Variants in ANKS1B observed in about 807,000 individuals in gnomAD.
ANKS1B encodes the protein ankyrin repeat and sterile alpha motif domain-containing protein 1B.
In ANKS1B, 36 loss-of-function variants were observed where a neutral mutation model predicts 148.3. The observed-to-expected ratio is 0.24, with a 90% CI of 0.19 to 0.32. The LOEUF is 0.32. Ranked by LOEUF, ANKS1B falls within the 10% of genes least tolerant of loss-of-function variation. The pLI is 1.00. For missense variants in ANKS1B, 1,157 were observed against 1,542.6 expected (o/e 0.75, Z 4.19); for synonymous variants, 542 against 560.8 (o/e 0.97, Z 0.47).
chr12:99,067,483 G>A (rs932547832), intron 16 of ANKS1B, among the ~76,000 whole-genome samples: 1 of 152,186 alleles, frequency 6.6e-6, no homozygotes, highest in Admixed American at 6.5e-5. Context: ...AGCACTTTTG[G>A]TAGGTCCTGG....
chr12:99,861,317 G>A (rs2089988495), intron 1 of ANKS1B, among the ~76,000 whole-genome samples: 1 of 152,128 alleles, frequency 6.6e-6, no homozygotes, highest in Admixed American at 6.5e-5. Flanking sequence ...CATGAAATAA[G>A]AGAAGAAAAT....
chr12:99,725,987 G>C (rs186523298), intron 8 of ANKS1B, among the ~76,000 whole-genome samples: 16 of 152,250 alleles, frequency 1.1e-4, no homozygotes, highest in African/African-American at 3.6e-4. Context: ...CTGGGACACA[G>C]CTAAAGCAGT....
rs566164525 is a variant in ANKS1B, at chr12:99,873,184, CTATT to C, written c.135-47799_135-47796del. Among the ~76,000 whole-genome samples, 14 of 152,156 alleles carry C rather than the reference CTATT, an allele frequency of 9.2e-5. No individual in the cohort carries two copies. In the East Asian group the frequency reaches 2.5e-3, roughly 27 times the overall value. Reference sequence around the variant, plus strand: ...TTATTATTATCACCATCATTTTTGCCTATTTATTTATTTTTTAAAGTAAAACACT... The same window carrying C: ...TTATTATTATCACCATCATTTTTGCCTATTTATTTTTTAAAGTAAAACACT... On this transcript the variant is annotated intron_variant, in intron 1 of 26. Coordinates refer to ENST00000683438, the MANE Select transcript of ANKS1B (RefSeq NM_001352186.2).
chr12:99,278,856 G>C (rs2078028728), intron 12 of ANKS1B, among the ~76,000 whole-genome samples: 1 of 152,142 alleles, frequency 6.6e-6, no homozygotes, highest in African/African-American at 2.4e-5. Flanking sequence ...CAATGTAATT[G>C]CATTAAATAT....
intron 12 of ANKS1B, among the ~76,000 whole-genome samples, chr12:99,252,938 T>C (rs1241594862): frequency 6.6e-6 from 1 of 152,088 alleles, no homozygotes; most frequent in Non-Finnish European, 1.5e-5. Context: ...AATGGGGCAG[T>C]AGGGGCCAGG....
chr12:99,550,431 T>C (rs2097207372), intron 9 of ANKS1B, among the ~76,000 whole-genome samples: 1 of 151,960 alleles, frequency 6.6e-6, no homozygotes, highest in African/African-American at 2.4e-5. Context: ...CAAGACCAGC[T>C]TGGCCAACAT....
At chr12:99,502,125 T>C (rs979928194) in intron 10 of ANKS1B, among the ~76,000 whole-genome samples, 2 of 152,130 alleles carry the variant, frequency 1.3e-5, no homozygotes, top group Non-Finnish European at 2.9e-5. Flanking sequence ...GTGTCTTCAA[T>C]TTTGCATTCC....
At chr12:99,284,817 C>T (rs533569194) in intron 12 of ANKS1B, among the ~76,000 whole-genome samples, 1 of 152,248 alleles carries the variant, frequency 6.6e-6, no homozygotes, top group African/African-American at 2.4e-5. Flanking sequence ...GATCCGGCCC[C>T]TCCCTGCCCC....
At chr12:99,319,388 C>T (rs1249631438) in intron 12 of ANKS1B, among the ~76,000 whole-genome samples, 1 of 152,144 alleles carries the variant, frequency 6.6e-6, no homozygotes, top group East Asian at 1.9e-4. Flanking sequence ...GGATAGTTAG[C>T]TCTTCTTGTT....
chr12:99,192,647 C>T (rs1246984338), intron 14 of ANKS1B, among the ~76,000 whole-genome samples: 1 of 152,032 alleles, frequency 6.6e-6, no homozygotes, highest in Non-Finnish European at 1.5e-5. Context: ...GTCATAATAT[C>T]ACATTTTAAA....
chr12:98,886,397 T>C (rs111653245), intron 17 of ANKS1B, among the ~76,000 whole-genome samples: 11 of 152,188 alleles, frequency 7.2e-5, no homozygotes, highest in South Asian at 4.2e-4. Flanking sequence ...CTTCTGATAG[T>C]TGAATTACTG....
intron 16 of ANKS1B, among the ~76,000 whole-genome samples, chr12:99,055,349 G>A (rs1253506937): frequency 2.0e-5 from 3 of 152,192 alleles, no homozygotes; most frequent in South Asian, 2.1e-4. Context: ...AGGTCTTGCC[G>A]TTGGCCCATC....
chr12:98,856,562 G>A (rs528713684), intron 17 of ANKS1B, among the ~76,000 whole-genome samples: 14 of 152,338 alleles, frequency 9.2e-5, no homozygotes, highest in African/African-American at 3.1e-4. Flanking sequence ...GTGTGCATGA[G>A]TTGGGTGCAG....
At chr12:99,784,621 A>G (rs1019794400) in intron 4 of ANKS1B, among the ~76,000 whole-genome samples, 1 of 152,308 alleles carries the variant, frequency 6.6e-6, no homozygotes, top group Non-Finnish European at 1.5e-5. Flanking sequence ...CATGAATAAG[A>G]ACCATGTGGA....
At chr12:99,603,271 G>C (rs1383123599) in intron 9 of ANKS1B, among the ~76,000 whole-genome samples, 1 of 152,080 alleles carries the variant, frequency 6.6e-6, no homozygotes, top group Non-Finnish European at 1.5e-5. Context: ...GCTTCTTGAG[G>C]CTAGGAATCC....
chr12:98,969,555 C>T (rs60317458), intron 17 of ANKS1B, among the ~76,000 whole-genome samples: 27,502 of 151,938 alleles, frequency 0.18, 2,670 homozygotes, highest in African/African-American at 0.23. Flanking sequence ...CAAATCTCAA[C>T]TGATTTTGTG....
chr12:98,958,288 T>C (rs529587944), intron 17 of ANKS1B, among the ~76,000 whole-genome samples: 4 of 152,340 alleles, frequency 2.6e-5, no homozygotes, highest in Non-Finnish European at 5.9e-5. Flanking sequence ...AAACCAACTA[T>C]TATAGTCAAA....
At chr12:98,924,336 C>T (rs954761499) in intron 17 of ANKS1B, among the ~76,000 whole-genome samples, 1 of 152,194 alleles carries the variant, frequency 6.6e-6, no homozygotes, top group Non-Finnish European at 1.5e-5. Context: ...TCATTTATTT[C>T]TCTGTTCAGT....
chr12:99,059,855 G>C (rs978556068), intron 16 of ANKS1B, among the ~76,000 whole-genome samples: 3 of 138,946 alleles, frequency 2.2e-5, no homozygotes, highest in African/African-American at 8.0e-5. Flanking sequence ...TTTCTTTCAT[G>C]TATCTTCAGC....
Sources: allele counts gnomAD v4.1 joint callset (sites outside exome capture counted in the v4.1 genomes callset), GRCh38; gene constraint gnomAD v4.1.1; transcripts MANE v1.5; gene names NCBI Gene and HGNC (gene_info 2026-07-23, HGNC 2026-07-21).